The following TBC1D2B variants were observed in gnomAD, a reference collection of about 807,000 sequenced individuals.
TBC1D2B encodes TBC1 domain family, member 2B.
TBC1D2B carries 64 observed loss-of-function variants against 100.8 expected under a neutral mutation model. The ratio of observed to expected loss-of-function variants is 0.64; its 90% CI spans 0.52 to 0.78. The LOEUF is 0.78. TBC1D2B is among the 30% of genes least tolerant of loss of function. The pLI, the probability that TBC1D2B is intolerant of heterozygous loss-of-function variation, is 0.00. For synonymous variants in TBC1D2B, 480 were observed against 479.7 expected, an observed-to-expected ratio of 1.00 and a Z score of -0.01; for missense variants, 1,052 against 1,218.4, an observed-to-expected ratio of 0.86 and a Z score of 2.03.
chr15:78,035,909 C>T (rs1276708350), intron 3 of TBC1D2B, among the ~76,000 whole-genome samples: 2 of 152,172 alleles, frequency 1.3e-5, no homozygotes, highest in Non-Finnish European at 2.9e-5. Context: ...AATGTGTCAG[C>T]TCAAAGGGGC....
At chr15:78,074,926 T>C (rs1353796861) in intron 1 of TBC1D2B, among the ~76,000 whole-genome samples, 1 of 152,230 alleles carries the variant, frequency 6.6e-6, no homozygotes, top group African/African-American at 2.4e-5. Context: ...GCTTGATGTT[T>C]CATATGCCAT....
intron 4 of TBC1D2B, among the ~76,000 whole-genome samples, chr15:78,025,805 C>A (rs576109226): frequency 2.9e-4 from 44 of 152,244 alleles, no homozygotes; most frequent in African/African-American, 9.6e-4. Context: ...GGATTACAGG[C>A]GTGAGCCACC....
chr15:78,041,208 T>C (rs868314549), intron 3 of TBC1D2B, among the ~76,000 whole-genome samples: 39 of 152,384 alleles, frequency 2.6e-4, no homozygotes, highest in African/African-American at 8.4e-4. Flanking sequence ...ATTCAACTTA[T>C]TTTTCCTAGA....
chr15:78,029,927 CTA>C (rs1244290654), intron 4 of TBC1D2B, 78 bp downstream of exon 4: 1 of 1,213,662 alleles, frequency 8.2e-7, no homozygotes, highest in African/African-American at 1.5e-5. Flanking sequence ...GAAATACCTG[CTA>C]ATAATGTGTC....
rs1360057298 is a variant in TBC1D2B at position 78,017,970 on chromosome 15, A to C, written c.1471-13T>G. On this transcript the variant is annotated splice_polypyrimidine_tract_variant and intron_variant, in intron 6 of 12. Transcript: ENST00000300584. ...CCTGTAGATTATCCTGTTAGAAAAA[A>C]AAAAAATCCCTGAATTCACATTGGT... 1 of 1,440,080 alleles carries C rather than the reference A, an allele frequency of 6.9e-7. No homozygotes were observed. The highest frequency in any genetic ancestry group is 9.6e-7 in the Non-Finnish European group (1 of 1,046,602). The allele number at this position is 1,440,080 out of a possible 1,614,324, so 89.2% of individuals were successfully genotyped here. A position where few individuals can be genotyped will look rare whatever the true frequency, so the allele number is the denominator to read the frequency against.
intron 2 of TBC1D2B, among the ~76,000 whole-genome samples, chr15:78,046,975 A>C (rs1292482267): frequency 6.6e-6 from 1 of 152,190 alleles, no homozygotes; most frequent in Non-Finnish European, 1.5e-5. Context: ...CAGTGTAGGA[A>C]GGGCTTCAAG....
chr15:78,009,044 C>A lies in TBC1D2B; in HGVS notation c.2341G>T (p.Val781Phe). The change falls in exon 10 of 13, where the codon GTT becomes TTT. Residue 781 changes from valine (V) to phenylalanine (F), a missense_variant. Val to Phe is a conservative substitution (Grantham distance 50, BLOSUM62 -1). Around this residue, in one of 4 missense-constraint regions of TBC1D2B, gnomAD observed 373 missense variants for 464.9 expected, o/e 0.80. Transcript: ENST00000300584. ...AFWCLVTIVE[V>F]FMPRDYYTKT... Reference sequence around the variant, plus strand: ...GTATAATAGTCTCGAGGCATGAAAACTTCCACTATGGTAACGAGACACCAG... The same window carrying A: ...GTATAATAGTCTCGAGGCATGAAAAATTCCACTATGGTAACGAGACACCAG... 6.2e-7 allele frequency: 1 copy of A among 1,608,226 alleles called. No individual in the cohort carries two copies. Among genetic ancestry groups the A allele is most frequent in the Non-Finnish European group, 8.5e-7 (1 of 1,177,164 alleles).
chr15:78,029,926 G>A (rs1309438435), intron 4 of TBC1D2B, 81 bp downstream of exon 4: 1 of 1,200,360 alleles, frequency 8.3e-7, no homozygotes, highest in Non-Finnish European at 1.1e-6. Flanking sequence ...CGAAATACCT[G>A]CTAATAATGT....
intron 4 of TBC1D2B, among the ~76,000 whole-genome samples, chr15:78,028,190 T>C (rs2072720099): frequency 6.6e-6 from 1 of 152,186 alleles, no homozygotes; most frequent in Admixed American, 6.6e-5. Context: ...AATCTAGGAC[T>C]GTGGCCAGGC....
intron 3 of TBC1D2B, among the ~76,000 whole-genome samples, chr15:78,040,677 A>AAAAG (rs1183540952): frequency 1.4e-5 from 2 of 141,696 alleles, no homozygotes; most frequent in African/African-American, 5.2e-5. Context: ...AAAGAAAAAG[A>AAAAG]AAAGAAAGAA....
intron 10 of TBC1D2B, among the ~76,000 whole-genome samples, chr15:78,004,806 G>A (rs551573621): frequency 3.3e-5 from 5 of 152,268 alleles, no homozygotes; most frequent in South Asian, 4.1e-4. Context: ...CTGGCCCTCC[G>A]TATAAGAGGG....
chr15:77,998,374 G>A lies in TBC1D2B; in HGVS notation c.2697-19C>T, dbSNP rs1567009718. 4 of 1,553,036 alleles carry A rather than the reference G, an allele frequency of 2.6e-6. No individual in the cohort carries two copies. The highest frequency in any genetic ancestry group is 3.5e-6 in the Non-Finnish European group (4 of 1,148,060). On this transcript the variant is annotated intron_variant, in intron 12 of 12. Transcript: ENST00000300584. ...CAGCTTCCTGGCAGGACGCAGGGGA[G>A]AGACAAGAGAATCAGCGGCGCTCCA... is the stretch of plus-strand genomic sequence containing the variant.
chr15:78,001,804 C>A, intron 11 of TBC1D2B, 64 bp from the exon 12 acceptor site: 1 of 1,534,100 alleles, frequency 6.5e-7, no homozygotes, highest in Non-Finnish European at 8.8e-7. Context: ...CAAGGCTGGA[C>A]TCCAGGGGGG....
chr15:78,038,756 A>T (rs1237476773), intron 3 of TBC1D2B, among the ~76,000 whole-genome samples: 3 of 152,148 alleles, frequency 2.0e-5, no homozygotes, highest in Non-Finnish European at 4.4e-5. Context: ...AAGTTCTCTG[A>T]GCCTCAGCTT....
intron 1 of TBC1D2B, among the ~76,000 whole-genome samples, chr15:78,070,110 C>T (rs1252543386): frequency 1.3e-5 from 2 of 152,216 alleles, no homozygotes; most frequent in Non-Finnish European, 2.9e-5. Flanking sequence ...CCAAGGCCTG[C>T]CTCTTCCAAA....
At chr15:78,068,066 T>C (rs1198805891) in intron 1 of TBC1D2B, among the ~76,000 whole-genome samples, 7 of 152,202 alleles carry the variant, frequency 4.6e-5, no homozygotes, top group African/African-American at 1.4e-4. Context: ...CTTCCTTTAC[T>C]ATGGAGAAGT....
intron 6 of TBC1D2B, among the ~76,000 whole-genome samples, chr15:78,020,172 T>C (rs1313922353): frequency 6.6e-6 from 1 of 152,202 alleles, no homozygotes; most frequent in Non-Finnish European, 1.5e-5. Flanking sequence ...TATGAGCTAT[T>C]GCACCTGGCC....
rs548078796 is a variant in TBC1D2B, at chr15:78,000,214, A to G, written c.2696+1405T>C. On this transcript the variant is annotated intron_variant, in intron 12 of 12. Coordinates refer to ENST00000300584, the MANE Select transcript of TBC1D2B (RefSeq NM_144572.2). ...TGCAGGGGAGACCGTACCGCGAGCC[A>G]CTCAGAAGGAGGCGCTGCAGGACCA... Among the ~76,000 whole-genome samples the G allele has an allele frequency of 6.9e-4, 105 of 152,298 alleles. 1 individual carries two copies. The highest frequency in any genetic ancestry group is 3.4e-3 in the Middle Eastern group (1 of 294).
At chr15:78,064,305 G>C (rs1022551524) in intron 1 of TBC1D2B, among the ~76,000 whole-genome samples, 1 of 152,112 alleles carries the variant, frequency 6.6e-6, no homozygotes, top group African/African-American at 2.4e-5. Flanking sequence ...TATGAACTCT[G>C]GGTTCCTTCC....
Sources: gnomAD v4.1 joint callset for allele counts (sites outside exome capture counted in the v4.1 genomes callset) on GRCh38, gnomAD v4.1.1 for gene constraint, gnomAD v4.1.1 regional missense constraint, MANE v1.5 for transcripts, NCBI Gene and HGNC (gene_info 2026-07-23, HGNC 2026-07-21) for gene names.